The following GMDS variants were observed in gnomAD, a reference collection of about 807,000 sequenced individuals.
The protein encoded by GMDS is GDP-mannose 4,6-dehydratase, also known as GDP-mannose 4,6 dehydratase.
GMDS carries 20 observed loss-of-function variants against 49.9 expected under a neutral mutation model. The observed-to-expected ratio is 0.40, with a 90% CI of 0.28 to 0.58. The LOEUF is 0.58. Among genes scored for constraint, GMDS ranks in the 20% least tolerant of loss-of-function variants. The probability of loss-of-function intolerance (pLI) is 0.42; values close to 1 mark genes in which losing one functional copy is unlikely to be tolerated. For synonymous variants in GMDS, 177 were observed against 178.6 expected, an observed-to-expected ratio of 0.99 and a Z score of 0.07; for missense variants, 362 against 481.4, an observed-to-expected ratio of 0.75 and a Z score of 2.32.
At chr6:1,680,286 G>A (rs1014757440) in intron 9 of GMDS, among the ~76,000 whole-genome samples, 13 of 152,116 alleles carry the variant, frequency 8.5e-5, no homozygotes, top group African/African-American at 2.4e-4. Context: ...CTGCTTCCTC[G>A]TGGCACCTTC....
chr6:1,875,735 T>C (rs551928549), intron 7 of GMDS, among the ~76,000 whole-genome samples: 1 of 152,282 alleles, frequency 6.6e-6, no homozygotes, highest in African/African-American at 2.4e-5. Flanking sequence ...TTTAAAAATA[T>C]GTGAGCATAG....
chr6:2,050,929 C>T (rs372020203), intron 4 of GMDS, among the ~76,000 whole-genome samples: 2 of 151,746 alleles, frequency 1.3e-5, no homozygotes, highest in African/African-American at 2.4e-5. Flanking sequence ...GGACACAGGG[C>T]GGGGAACATC....
intron 4 of GMDS, among the ~76,000 whole-genome samples, chr6:1,964,544 G>A (rs1476282206): frequency 6.6e-6 from 1 of 152,142 alleles, no homozygotes; most frequent in East Asian, 1.9e-4. Flanking sequence ...TAGATTATAT[G>A]TGGATATGTT....
intron 4 of GMDS, among the ~76,000 whole-genome samples, chr6:2,052,143 A>AAAAAAAAAAC (rs1770453878): frequency 6.7e-6 from 1 of 148,930 alleles, no homozygotes; most frequent in Admixed American, 6.7e-5. Context: ...AAAAAAAAAA[A>AAAAAAAAAAC]CAGAAAAGAA....
chr6:2,232,112 T>C (rs1781134899), intron 1 of GMDS, among the ~76,000 whole-genome samples: 1 of 151,812 alleles, frequency 6.6e-6, no homozygotes. Context: ...GAGTGTTCTT[T>C]ATTCTGGGAG....
At chr6:2,062,079 C>T (rs991552533) in intron 4 of GMDS, among the ~76,000 whole-genome samples, 17 of 152,008 alleles carry the variant, frequency 1.1e-4, no homozygotes, top group African/African-American at 3.9e-4. Flanking sequence ...TTTTCTTGAC[C>T]ACAATTATGC....
At chr6:2,143,539 T>A (rs1776410271) in intron 1 of GMDS, among the ~76,000 whole-genome samples, 1 of 152,106 alleles carries the variant, frequency 6.6e-6, no homozygotes, top group Non-Finnish European at 1.5e-5. Flanking sequence ...TCTAAAGTAA[T>A]TTTTTTTAAA....
chr6:2,192,405 G>T (rs1465411326), intron 1 of GMDS, among the ~76,000 whole-genome samples: 2 of 152,098 alleles, frequency 1.3e-5, no homozygotes, highest in Non-Finnish European at 2.9e-5. Flanking sequence ...AAGAACTCAG[G>T]ACCCACTAAA....
intron 1 of GMDS, among the ~76,000 whole-genome samples, chr6:2,224,143 G>A (rs772473912): frequency 1.3e-5 from 2 of 152,172 alleles, no homozygotes; most frequent in South Asian, 4.1e-4. Context: ...AGGGTAGGAT[G>A]GGGAAAGCAA....
At chr6:2,118,008 T>G (rs1485374332) in intron 2 of GMDS, among the ~76,000 whole-genome samples, 1 of 152,216 alleles carries the variant, frequency 6.6e-6, no homozygotes, top group Non-Finnish European at 1.5e-5. Context: ...ATCTACTGTA[T>G]GTATTTCTGG....
At chr6:1,716,511 A>G (rs1766179792) in intron 9 of GMDS, among the ~76,000 whole-genome samples, 1 of 152,202 alleles carries the variant, frequency 6.6e-6, no homozygotes, top group Non-Finnish European at 1.5e-5. Flanking sequence ...AGAAAATAGG[A>G]GGTACAAATA....
chr6:1,709,926 T>C lies in GMDS; in HGVS notation c.987+16490A>G, dbSNP rs375112620. Among the ~76,000 whole-genome samples the C allele has an allele frequency of 6.6e-5, 10 of 152,328 alleles. No homozygotes were observed. The South Asian group carries it at 1.4e-3, about 22-fold the overall frequency. On this transcript the variant is annotated intron_variant, in intron 9 of 10. Coordinates refer to ENST00000380815, the MANE Select transcript of GMDS (RefSeq NM_001500.4). ...CAGGGTATCTATGGAGGAAGAGTTT[T>C]TGCTTCATGCAGCAGCTTTTGGCTT... is the stretch of plus-strand genomic sequence containing the variant.
rs1581226592 is a variant in GMDS, at chr6:1,825,522, G to A, written c.772-82936C>T. 2.0e-5 allele frequency among the ~76,000 whole-genome samples: 3 copies of A among 152,060 alleles called. No homozygotes were observed. The East Asian group carries it at 5.8e-4, about 29-fold the overall frequency. On this transcript the variant is annotated intron_variant, in intron 7 of 10. Transcript: ENST00000380815. ...AAATGTGTCCTTAGGTGATTTTGTT[G>A]GGCCCAAATCACACAGTGCACTTAC...
intron 4 of GMDS, among the ~76,000 whole-genome samples, chr6:2,002,663 C>A (rs930590890): frequency 3.9e-5 from 6 of 152,100 alleles, no homozygotes; most frequent in African/African-American, 1.4e-4. Context: ...AATTTCAAAC[C>A]ACATCAGAGA....
At chr6:2,063,254 T>A (rs1291023056) in intron 4 of GMDS, among the ~76,000 whole-genome samples, 8 of 152,266 alleles carry the variant, frequency 5.3e-5, no homozygotes. Flanking sequence ...GCCTATCACT[T>A]CCTGTTGTAA....
intron 9 of GMDS, among the ~76,000 whole-genome samples, chr6:1,650,010 G>A (rs1277620152): frequency 6.6e-6 from 1 of 152,206 alleles, no homozygotes; most frequent in Non-Finnish European, 1.5e-5. Context: ...CTTCCGAAGT[G>A]ATGATCTTGC....
chr6:1,822,890 G>A (rs547491612), intron 7 of GMDS, among the ~76,000 whole-genome samples: 16 of 152,166 alleles, frequency 1.1e-4, no homozygotes, highest in African/African-American at 2.2e-4. Flanking sequence ...AAATATTTCC[G>A]ATTAAGAGAA....
At chr6:1,897,337 T>C (rs76423395) in intron 7 of GMDS, among the ~76,000 whole-genome samples, 2,012 of 152,286 alleles carry the variant, frequency 0.013, 50 homozygotes, top group African/African-American at 0.046. Context: ...CCTGTTTAAA[T>C]AACTTATCTC....
In GMDS at chr6:2,051,233, C is replaced by T. The variant is rs547674958; in HGVS notation, c.345+64538G>A. ...GGAGCCTCTAGAAGGACACCGCCTG[C>T]CAGTGTCACCTATGTTGGCTTCAGG... is the stretch of plus-strand genomic sequence containing the variant. On this transcript the variant is annotated intron_variant, in intron 4 of 10. Coordinates refer to ENST00000380815, the MANE Select transcript of GMDS (RefSeq NM_001500.4). 6.6e-5 allele frequency among the ~76,000 whole-genome samples: 10 copies of T among 152,304 alleles called. No individual in the cohort carries two copies. The South Asian group carries it at 2.1e-3, about 32-fold the overall frequency.
Sources: allele counts gnomAD v4.1 joint callset (sites outside exome capture counted in the v4.1 genomes callset), GRCh38; gene constraint gnomAD v4.1.1; transcripts MANE v1.5; gene names NCBI Gene and HGNC (gene_info 2026-07-23, HGNC 2026-07-21).